COP1: variants seen among roughly 807,000 people sequenced by gnomAD.
The protein encoded by COP1 is COP1 E3 ubiquitin ligase.
COP1 carries 24 observed loss-of-function variants against 101.3 expected under a neutral mutation model. The observed-to-expected ratio is 0.24, with a 90% CI of 0.17 to 0.33. The LOEUF (loss-of-function observed/expected upper bound fraction) is 0.33, where lower values mean the gene tolerates loss of function less well. Ranked by LOEUF, COP1 falls within the 10% of genes least tolerant of loss-of-function variation. COP1 has a pLI of 1.00. For missense variants in COP1, 663 were observed against 906.2 expected (o/e 0.73, Z 3.45); for synonymous variants, 347 against 341.9 (o/e 1.01, Z -0.17).
chr1:176,083,392 T>G (rs1679545746), intron 10 of COP1, among the ~76,000 whole-genome samples: 1 of 152,186 alleles, frequency 6.6e-6, no homozygotes, highest in South Asian at 2.1e-4. Flanking sequence ...ATAGCTACTT[T>G]CAACAGAAAC....
chr1:176,018,358 T>G (rs528395469), intron 15 of COP1: 1 of 152,224 alleles, frequency 6.6e-6, no homozygotes, highest in African/African-American at 2.4e-5. Flanking sequence ...TTATATTATG[T>G]ACATTTTCCC....
chr1:176,028,931 T>A (rs1668206061), intron 14 of COP1, among the ~76,000 whole-genome samples: 1 of 151,188 alleles, frequency 6.6e-6, no homozygotes. Flanking sequence ...TTTCTATTTT[T>A]TTTGTAAAGA....
intron 9 of COP1, among the ~76,000 whole-genome samples, chr1:176,114,895 T>A (rs1685917846): frequency 6.6e-6 from 1 of 152,212 alleles, no homozygotes; most frequent in South Asian, 2.1e-4. Context: ...ATATTGTGAT[T>A]ACATAAGACA....
At chr1:175,980,450 A>G (rs1195281457) in intron 18 of COP1, among the ~76,000 whole-genome samples, 4 of 152,180 alleles carry the variant, frequency 2.6e-5, no homozygotes, top group Admixed American at 1.3e-4. Flanking sequence ...AGAGAATAAA[A>G]TTTAATGATG....
intron 3 of COP1, among the ~76,000 whole-genome samples, chr1:176,175,633 C>T (rs987759210): frequency 2.0e-5 from 3 of 152,188 alleles, no homozygotes; most frequent in Non-Finnish European, 4.4e-5. Context: ...CAGCCCAGTT[C>T]CTAATAGGCC....
chr1:176,023,730 AAAAAAAAAAG>A (rs1179383603), intron 15 of COP1, among the ~76,000 whole-genome samples: 23 of 150,890 alleles, frequency 1.5e-4, no homozygotes, highest in African/African-American at 2.9e-4. Context: ...AAAAAAAAAA[AAAAAAAAAAG>A]AAAAGAAAAG....
chr1:175,966,960 G>A (rs1652139222), intron 18 of COP1, among the ~76,000 whole-genome samples: 1 of 152,154 alleles, frequency 6.6e-6, no homozygotes, highest in African/African-American at 2.4e-5. Flanking sequence ...GAGATCTGGG[G>A]AATTGGGATT....
chr1:175,969,616 T>A (rs1260584704), intron 18 of COP1, among the ~76,000 whole-genome samples: 1 of 152,190 alleles, frequency 6.6e-6, no homozygotes, highest in Non-Finnish European at 1.5e-5. Context: ...CATAAACATA[T>A]ACAAGTTTAC....
Position 176,068,772 on chromosome 1 carries a change from G to T in COP1, c.1277+12380C>A, listed in dbSNP as rs115816582. On this transcript the variant is annotated intron_variant, in intron 11 of 19. Transcript: ENST00000367669. The stretch of plus-strand genomic sequence containing the variant: ...TTCTCTAGAAGTAGTCTATATAATT[G>T]AATATATGTGAATAATTACATTCTC... 2.0e-3 allele frequency among the ~76,000 whole-genome samples: 300 copies of T among 152,204 alleles called. 4 individuals are homozygous for T. Among genetic ancestry groups the T allele is most frequent in the African/African-American group, 6.9e-3 (288 of 41,502 alleles).
At chr1:176,200,926 A>C (rs1237779775) in intron 1 of COP1, among the ~76,000 whole-genome samples, 1 of 152,184 alleles carries the variant, frequency 6.6e-6, no homozygotes, top group Non-Finnish European at 1.5e-5. Flanking sequence ...GTTTCACTAC[A>C]TTGCCCAGGA....
intron 3 of COP1, among the ~76,000 whole-genome samples, chr1:176,168,372 T>TAG (rs1431213846): frequency 3.6e-5 from 5 of 138,554 alleles, no homozygotes; most frequent in African/African-American, 8.3e-5. Context: ...ATTTTATATA[T>TAG]AGAGAGAAAG....
At chr1:176,125,275 T>G (rs936151852) in intron 8 of COP1, among the ~76,000 whole-genome samples, 2 of 152,194 alleles carry the variant, frequency 1.3e-5, no homozygotes, top group African/African-American at 4.8e-5. Context: ...GTACCTTTTG[T>G]TCATTTTTGC....
rs146863206 is a variant in COP1 at position 176,036,858 on chromosome 1, C to T, written c.1612+6328G>A. On this transcript the variant is annotated intron_variant, in intron 14 of 19. Transcript: ENST00000367669. ...AAATGCATTTTCAATTTATGATGGA[C>T]TTATTGGGACTGTAATCCCATTGTA... Among the ~76,000 whole-genome samples the T allele has an allele frequency of 2.6e-3, 400 of 152,244 alleles. 3 individuals are homozygous for T. Among genetic ancestry groups the T allele is most frequent in the African/African-American group, 9.2e-3 (382 of 41,554 alleles).
chr1:176,007,963 TG>T (rs1448448132), intron 15 of COP1, among the ~76,000 whole-genome samples: 2 of 152,162 alleles, frequency 1.3e-5, no homozygotes, highest in Non-Finnish European at 2.9e-5. Flanking sequence ...CCTTGCAGTT[TG>T]ATCTCAGACT....
intron 5 of COP1, among the ~76,000 whole-genome samples, chr1:176,159,486 C>G (rs549572950): frequency 6.2e-4 from 94 of 152,178 alleles, no homozygotes; most frequent in African/African-American, 2.2e-3. Context: ...TTAAAATGTG[C>G]ACACATACCC....
intron 9 of COP1, among the ~76,000 whole-genome samples, chr1:176,086,743 G>T (rs1469636520): frequency 6.6e-6 from 1 of 152,056 alleles, no homozygotes; most frequent in African/African-American, 2.4e-5. Context: ...TTTCTTCACA[G>T]AACTGGCAAA....
chr1:176,207,069 T>G lies in COP1; in HGVS notation c.-91A>C. 9.3e-7 allele frequency: 1 copy of G among 1,072,576 alleles called. No homozygotes were observed. The allele number at this position is 1,072,576 out of a possible 1,614,324, so 66.4% of individuals were successfully genotyped here. A position where few individuals can be genotyped will look rare whatever the true frequency, so the allele number is the denominator to read the frequency against. ...CTCCCCTCCCCTCAGCCTCAGTGCA[T>G]CCTGAGGACGCCCGCCGAGCCGGAG... On this transcript the variant is annotated 5_prime_UTR_variant, in exon 1 of 20. An upstream start codon of the reference 5' UTR is lost. Coordinates refer to ENST00000367669, the MANE Select transcript of COP1 (RefSeq NM_022457.7).
chr1:176,125,199 T>C (rs1324874870), intron 8 of COP1, among the ~76,000 whole-genome samples: 1 of 152,230 alleles, frequency 6.6e-6, no homozygotes, highest in Non-Finnish European at 1.5e-5. Context: ...TCTCCAATTC[T>C]GTGGGTTGTC....
At chr1:176,138,919 C>G (rs1690211275) in intron 6 of COP1, among the ~76,000 whole-genome samples, 1 of 152,042 alleles carries the variant, frequency 6.6e-6, no homozygotes, top group Admixed American at 6.6e-5. Flanking sequence ...CATTTAACTA[C>G]CTTAAAATGT....
Sources: gnomAD v4.1 joint callset for allele counts (sites outside exome capture counted in the v4.1 genomes callset) on GRCh38, gnomAD v4.1.1 for gene constraint, MANE v1.5 for transcripts, NCBI Gene and HGNC (gene_info 2026-07-23, HGNC 2026-07-21) for gene names.